The following HCN1 variants were observed in gnomAD, a reference collection of about 807,000 sequenced individuals.
HCN1 encodes the protein hyperpolarization activated cyclic nucleotide gated potassium channel 1.
Under a neutral mutation model 78.9 loss-of-function variants are expected in HCN1, and 13 were observed. The observed-to-expected ratio is 0.16, with a 90% CI of 0.11 to 0.26. HCN1 has a LOEUF of 0.26. HCN1 is among the 10% of genes least tolerant of loss of function. The pLI, the probability that HCN1 is intolerant of heterozygous loss-of-function variation, is 1.00. For synonymous variants in HCN1, 552 were observed against 455.5 expected (o/e 1.21, Z -2.70); for missense variants, 810 against 1,154.3 (o/e 0.70, Z 4.32).
At chr5:45,275,098 T>A (rs988382987) in intron 6 of HCN1, among the ~76,000 whole-genome samples, 8 of 151,882 alleles carry the variant, frequency 5.3e-5, no homozygotes, top group Admixed American at 2.6e-4. Flanking sequence ...ATACAAAAAA[T>A]TAGTGGGTAT....
At chr5:45,470,292 G>T in intron 2 of HCN1, among the ~76,000 whole-genome samples, 1 of 151,918 alleles carries the variant, frequency 6.6e-6, no homozygotes, top group East Asian at 1.9e-4. Context: ...CTAAGTACAT[G>T]ATTTTGGTAT....
At chr5:45,558,961 A>G (rs1396739146) in intron 2 of HCN1, 4 of 132,634 alleles carry the variant, frequency 3.0e-5, no homozygotes, top group Admixed American at 8.2e-5. Flanking sequence ...GGATCTTGCT[A>G]GATTGCTCAG....
In HCN1 at chr5:45,351,470, G is replaced by A. The variant is rs1360882074; in HGVS notation, c.1377+1630C>T. Among the ~76,000 whole-genome samples, 191 of 109,122 alleles carry A rather than the reference G, an allele frequency of 1.8e-3. 24 individuals carry two copies. The highest frequency in any genetic ancestry group is 2.8e-3 in the South Asian group (9 of 3,228). 71.6% of individuals were successfully genotyped at this position (109,122 alleles called of 152,430 possible). A position where few individuals can be genotyped will look rare whatever the true frequency, so the allele number is the denominator to read the frequency against. ...CCATTCAGGACATAGGCGTGGGCAA[G>A]GACTTCATGTCCAAAACACCAAAAG... On this transcript the variant is annotated intron_variant, in intron 5 of 7. Coordinates refer to ENST00000303230, the MANE Select transcript of HCN1 (RefSeq NM_021072.4).
In HCN1 at chr5:45,260,435, A is replaced by C. The variant is rs75700427; in HGVS notation, c.*1486T>G. Reference sequence around the variant, plus strand: ...GAAAACAGACAGACAATGCTCATAGACGTTCAACTTTACCCCTGCTTTCTG... The same window carrying C: ...GAAAACAGACAGACAATGCTCATAGCCGTTCAACTTTACCCCTGCTTTCTG... On this transcript the variant is annotated 3_prime_UTR_variant, in exon 8 of 8. Transcript: ENST00000303230. 1 of 152,182 alleles carries C rather than the reference A, an allele frequency of 6.6e-6. No homozygotes were observed. The highest frequency in any genetic ancestry group is 1.5e-5 in the Non-Finnish European group (1 of 68,036). The allele number at this position is 152,182 out of a possible 1,614,324, so 9.4% of individuals were successfully genotyped here.
intron 6 of HCN1, among the ~76,000 whole-genome samples, chr5:45,301,330 T>TTTAGAATTTGTATACTAAAAAATGCAA (rs573299451): frequency 6.6e-6 from 1 of 151,300 alleles, no homozygotes; most frequent in Non-Finnish European, 1.5e-5. Context: ...AAAAAATGTA[T>TTTAGAATTTGTATACTAAAAAATGCAA]TTAGAATATG....
chr5:45,408,372 T>G (rs578044426), intron 3 of HCN1, among the ~76,000 whole-genome samples: 17 of 152,280 alleles, frequency 1.1e-4, no homozygotes, highest in Non-Finnish European at 2.1e-4. Flanking sequence ...TTATTTTTTA[T>G]ACTGTATTTT....
At chr5:45,530,572 A>G (rs1742821822) in intron 2 of HCN1, among the ~76,000 whole-genome samples, 1 of 152,028 alleles carries the variant, frequency 6.6e-6, no homozygotes, top group Non-Finnish European at 1.5e-5. Context: ...CTAAGAACAA[A>G]TATTTTGGGG....
intron 3 of HCN1, among the ~76,000 whole-genome samples, chr5:45,415,756 C>T (rs760148933): frequency 6.6e-6 from 1 of 151,892 alleles, no homozygotes; most frequent in African/African-American, 2.4e-5. Context: ...ATTGCTGTAC[C>T]GTCTGTTTAT....
chr5:45,585,252 T>A (rs1744187104), intron 2 of HCN1, among the ~76,000 whole-genome samples: 1 of 152,198 alleles, frequency 6.6e-6, no homozygotes, highest in Admixed American at 6.5e-5. Flanking sequence ...TCTCTAAACT[T>A]CTCTTCTCAC....
intron 5 of HCN1, among the ~76,000 whole-genome samples, chr5:45,343,781 T>C (rs1361347637): frequency 6.6e-6 from 1 of 151,736 alleles, no homozygotes; most frequent in African/African-American, 2.4e-5. Flanking sequence ...AAATAAAAGA[T>C]AATAAATTCA....
rs1744729661 is a variant in HCN1 at position 45,261,159 on chromosome 5, C to T, written c.*762G>A. ...CTAAATTCTTAAACAATGACTTTTA[C>T]CTTCATACAACACAGAATAGCTATT... is the stretch of plus-strand genomic sequence containing the variant. On this transcript the variant is annotated 3_prime_UTR_variant, in exon 8 of 8. Transcript: ENST00000303230. The T allele has an allele frequency of 6.6e-6, 1 of 152,574 alleles. No individual in the cohort carries two copies. The highest frequency in any genetic ancestry group is 1.9e-4 in the East Asian group (1 of 5,198). The allele number at this position is 152,574 out of a possible 1,614,324, so 9.5% of individuals were successfully genotyped here.
chr5:45,546,543 T>C (rs897417909), intron 2 of HCN1, among the ~76,000 whole-genome samples: 5 of 151,926 alleles, frequency 3.3e-5, no homozygotes, highest in Non-Finnish European at 7.4e-5. Flanking sequence ...AGACTGATGA[T>C]TCCCTAAGTG....
chr5:45,523,301 T>G (rs1005585511), intron 2 of HCN1, among the ~76,000 whole-genome samples: 67 of 152,288 alleles, frequency 4.4e-4, no homozygotes, highest in Middle Eastern at 6.8e-3. Flanking sequence ...CTATTGTGAA[T>G]AGTGCCACAA....
chr5:45,609,753 G>A (rs1157159248), intron 2 of HCN1, among the ~76,000 whole-genome samples: 1 of 152,076 alleles, frequency 6.6e-6, no homozygotes, highest in East Asian at 1.9e-4. Context: ...GGTGAAGACA[G>A]ACTTGTAAAC....
rs1354827630 is a variant in HCN1, at chr5:45,591,589, AG to A, written c.849+53595del. On this transcript the variant is annotated intron_variant, in intron 2 of 7. Transcript: ENST00000303230. ...CATCTTTTTGGTGAAGTGTTTGTTA[AG>A]GTCTTTGGCCCATTTTTAAAATCAG... Among the ~76,000 whole-genome samples, 18 of 152,300 alleles carry A rather than the reference AG, an allele frequency of 1.2e-4. No individual in the cohort carries two copies. In the East Asian group the frequency reaches 3.5e-3, roughly 29 times the overall value.
chr5:45,301,513 G>C (rs912673673), intron 6 of HCN1, among the ~76,000 whole-genome samples: 4 of 151,528 alleles, frequency 2.6e-5, no homozygotes, highest in Admixed American at 2.6e-4. Context: ...GAGCCCAGGA[G>C]TTAGAGACCA....
At chr5:45,400,171 G>T (rs1022832475) in intron 3 of HCN1, among the ~76,000 whole-genome samples, 1 of 151,840 alleles carries the variant, frequency 6.6e-6, no homozygotes, top group East Asian at 1.9e-4. Context: ...ATAATAAAAA[G>T]TTCAATGGGG....
intron 3 of HCN1, among the ~76,000 whole-genome samples, chr5:45,457,885 C>G (rs1392167074): frequency 6.6e-6 from 1 of 152,130 alleles, no homozygotes; most frequent in Non-Finnish European, 1.5e-5. Flanking sequence ...TATGTAATCA[C>G]CTCTTACTAG....
At chr5:45,352,335 T>C (rs904096789) in intron 5 of HCN1, among the ~76,000 whole-genome samples, 6 of 140,442 alleles carry the variant, frequency 4.3e-5, no homozygotes, top group African/African-American at 1.6e-4. Flanking sequence ...TGAGAACACA[T>C]GGACACAGGA....
Sources: allele counts gnomAD v4.1 joint callset (sites outside exome capture counted in the v4.1 genomes callset), GRCh38; gene constraint gnomAD v4.1.1; transcripts MANE v1.5; gene names NCBI Gene and HGNC (gene_info 2026-07-23, HGNC 2026-07-21).